AARS1: variants seen among roughly 807,000 people sequenced by gnomAD.
AARS1 encodes alanyl-tRNA synthetase 1.
AARS1 carries 72 observed loss-of-function variants against 108.9 expected under a neutral mutation model. The observed-to-expected ratio is 0.66, with a 90% CI of 0.55 to 0.80. The LOEUF (loss-of-function observed/expected upper bound fraction) is 0.80. Among genes scored for constraint, AARS1 ranks in the 30% least tolerant of loss-of-function variants. The probability of loss-of-function intolerance (pLI) is 0.00; values close to 1 mark genes in which losing one functional copy is unlikely to be tolerated. For synonymous variants in AARS1, 489 were observed against 465.7 expected (o/e 1.05, Z -0.64); for missense variants, 1,193 against 1,233.2 (o/e 0.97, Z 0.49).
chr16:70,255,688 C>T lies in AARS1; in HGVS notation c.2286+40G>A, dbSNP rs994580908. On this transcript the variant is annotated intron_variant, in intron 16 of 20. Coordinates refer to ENST00000261772, the MANE Select transcript of AARS1 (RefSeq NM_001605.3). ...GGATTCGCAGACTGGGCTCCTCTTG[C>T]CTTCTTCAGATAAGCCACAAACCAG... 8 of 1,574,660 alleles carry T rather than the reference C, an allele frequency of 5.1e-6. No homozygotes were observed. In the South Asian group the frequency reaches 5.5e-5, roughly 11 times the overall value.
At chr16:70,272,215 G>A (rs113366691) in intron 4 of AARS1, among the ~76,000 whole-genome samples, 11 of 152,056 alleles carry the variant, frequency 7.2e-5, no homozygotes, top group Admixed American at 2.0e-4. Context: ...CATTAAACCT[G>A]CTAAAGAAGC....
rs763386228 is a variant in AARS1, at chr16:70,254,053, C to T, written c.2401-15G>A. On this transcript the variant is annotated splice_polypyrimidine_tract_variant and intron_variant, in intron 17 of 20. Transcript: ENST00000261772. The stretch of plus-strand genomic sequence containing the variant: ...GTGGCCAGGGCCTGGAACCAATAGA[C>T]GACCATCTCAATCTGGGCCACAACT... The T allele has an allele frequency of 6.8e-6, 11 of 1,613,456 alleles. No individual in the cohort carries two copies. The highest frequency in any genetic ancestry group is 1.6e-4 in the Middle Eastern group (1 of 6,072).
At position 70,265,030 on chromosome 16, in the gene AARS1, G is replaced by A. The variant is rs377163632; in HGVS notation, c.1420C>T (p.Arg474Trp). 159 of 1,613,968 alleles carry A rather than the reference G, an allele frequency of 9.9e-5. No homozygotes were observed. The highest frequency in any genetic ancestry group is 1.2e-4 in the Non-Finnish European group (142 of 1,180,026). ...TCTGTGACCTCCAGACCCCGTGCCC[G>A]GAGCTCTTCGATAGCGTAAATGTCC... ...MLDIYAIEEL[R>W]ARGLEVTDDS... The change falls in exon 11 of 21, where the codon CGG (arginine) becomes TGG (tryptophan). Residue 474 changes from arginine (R) to tryptophan (W), a missense_variant. Physicochemically the swap from Arg to Trp is moderately radical, Grantham distance 101 (BLOSUM62 -3). Transcript: ENST00000261772.
At chr16:70,280,978 C>T (rs1960683850) in intron 2 of AARS1, among the ~76,000 whole-genome samples, 1 of 152,122 alleles carries the variant, frequency 6.6e-6, no homozygotes, top group African/African-American at 2.4e-5. Flanking sequence ...CAGGCATGCA[C>T]CACCACACCT....
In AARS1 at chr16:70,256,840, C is replaced by T. The variant is rs537474731; in HGVS notation, c.2178-1004G>A. ...ATTAAGAATGTTCTTTTCAGCCGGGCGTGGTGGCTCACACCTGTAATCTCA... is the reference window on the plus strand; with the variant it reads ...ATTAAGAATGTTCTTTTCAGCCGGGTGTGGTGGCTCACACCTGTAATCTCA... On this transcript the variant is annotated intron_variant, in intron 15 of 20. Coordinates refer to ENST00000261772, the MANE Select transcript of AARS1 (RefSeq NM_001605.3). Among the ~76,000 whole-genome samples, 16 of 151,894 alleles carry T rather than the reference C, an allele frequency of 1.1e-4. No individual in the cohort carries two copies. The East Asian group carries it at 2.4e-3, about 22-fold the overall frequency.
chr16:70,268,429 C>G, intron 7 of AARS1, 50 bp from the exon 8 acceptor site: 1 of 1,521,160 alleles, frequency 6.6e-7, no homozygotes. Flanking sequence ...AGGGTTTTGT[C>G]TTGAGTCCCT....
rs1195357458 is a variant in AARS1 at position 70,289,462 on chromosome 16, C to T, written c.-63G>A. The stretch of plus-strand genomic sequence containing the variant: ...GTCCCCAGCTCCTCCCTCAGAGTCC[C>T]CCGCCAAGGGCCCGCTGCACCTATT... On this transcript the variant is annotated 5_prime_UTR_variant, in exon 1 of 21. Transcript: ENST00000261772. 2.4e-6 allele frequency: 1 copy of T among 421,978 alleles called. No individual in the cohort carries two copies. The highest frequency in any genetic ancestry group is 4.8e-6 in the Non-Finnish European group (1 of 209,170). 26.1% of individuals were successfully genotyped at this position (421,978 alleles called of 1,614,324 possible).
intron 7 of AARS1, 24 bp downstream of exon 7, chr16:70,269,594 C>T: frequency 6.2e-7 from 1 of 1,613,232 alleles, no homozygotes; most frequent in South Asian, 1.1e-5. Flanking sequence ...GCTCCAAACA[C>T]CACCCAGTGT....
At chr16:70,272,073 A>C (rs1000568036) in intron 4 of AARS1, 101 bp from the exon 5 acceptor site, 2 of 1,107,784 alleles carry the variant, frequency 1.8e-6, no homozygotes, top group Non-Finnish European at 2.7e-6. Flanking sequence ...GGCCGGGCAC[A>C]GTGGCTCATG....
Position 70,261,314 on chromosome 16 carries a change from G to A in AARS1, c.1672-157C>T, listed in dbSNP as rs968149722. ...TAATATCATTAAATATGATTAAATA[G>A]GCCAGGTGCAGTGGCTCATGACTGT... On this transcript the variant is annotated intron_variant, in intron 12 of 20. Transcript: ENST00000261772. 8.9e-6 allele frequency: 5 copies of A among 562,032 alleles called. No individual in the cohort carries two copies. In the Admixed American group the frequency reaches 9.4e-5, roughly 11 times the overall value. 34.8% of individuals were successfully genotyped at this position (562,032 alleles called of 1,614,324 possible). A position where few individuals can be genotyped will look rare whatever the true frequency, so the allele number is the denominator to read the frequency against.
chr16:70,272,048 G>A (rs1417461295), intron 4 of AARS1, 76 bp from the exon 5 acceptor site: 2 of 1,414,570 alleles, frequency 1.4e-6, no homozygotes, highest in East Asian at 2.3e-5. Context: ...CACCGCAAAA[G>A]AAATTCTTAG....
chr16:70,255,576 AG>A, intron 16 of AARS1, 151 bp downstream of exon 16: 2 of 710,258 alleles, frequency 2.8e-6, no homozygotes, highest in Non-Finnish European at 5.1e-6. Context: ...TCTGCCACTC[AG>A]GGGTAGGACA....
At chr16:70,272,031 T>C in intron 4 of AARS1, 59 bp from the exon 5 acceptor site, 2 of 1,528,558 alleles carry the variant, frequency 1.3e-6, no homozygotes, top group South Asian at 1.1e-5. Context: ...CTGCCCAGAC[T>C]TGCAACCACC....
rs758019840 is a variant in AARS1, at chr16:70,282,771, G to C, written c.-8C>G. 4.3e-6 allele frequency: 7 copies of C among 1,613,706 alleles called. No homozygotes were observed. The highest frequency in any genetic ancestry group is 2.2e-5 in the South Asian group (2 of 91,078). ...TGTTAGAGTAGAGTCCATCTTGAAA[G>C]TCACCCCAAAGAACTAATCAAAGAA... On this transcript the variant is annotated 5_prime_UTR_variant, in exon 2 of 21. Transcript: ENST00000261772.
chr16:70,255,216 T>TTTTG (rs1959955374), intron 16 of AARS1, among the ~76,000 whole-genome samples: 2 of 145,402 alleles, frequency 1.4e-5, no homozygotes, highest in African/African-American at 5.1e-5. Context: ...TTTTTTTTTT[T>TTTTG]GGAGACGGAG....
At chr16:70,279,215 TG>T (rs374458655) in intron 2 of AARS1, among the ~76,000 whole-genome samples, 20 of 149,074 alleles carry the variant, frequency 1.3e-4, no homozygotes, top group Non-Finnish European at 2.2e-4. Context: ...ACAGGCATGG[TG>T]GGGGGGTGCC....
chr16:70,268,612 T>C (rs1960321988), intron 7 of AARS1, among the ~76,000 whole-genome samples: 1 of 152,182 alleles, frequency 6.6e-6, no homozygotes, highest in African/African-American at 2.4e-5. Context: ...TCACATTCAG[T>C]TACCCATAGA....
Position 70,253,806 on chromosome 16 carries a change from AG to A in AARS1, c.2521-7del. 6.2e-7 allele frequency: 1 copy of A among 1,614,192 alleles called. No individual in the cohort carries two copies. Among genetic ancestry groups the A allele is most frequent in the Non-Finnish European group, 8.5e-7 (1 of 1,180,024 alleles). On this transcript the variant is annotated splice_region_variant and splice_polypyrimidine_tract_variant and intron_variant, in intron 18 of 20. Coordinates refer to ENST00000261772, the MANE Select transcript of AARS1 (RefSeq NM_001605.3). ...TGCTTCGTCTTCTCTAACACCTGCAAGAAAAAAGTCCAGAACAGCAGCTCAG... is the reference window on the plus strand; with the variant it reads ...TGCTTCGTCTTCTCTAACACCTGCAAAAAAAAGTCCAGAACAGCAGCTCAG...
At chr16:70,289,225 C>A (rs1053830546) in intron 1 of AARS1, among the ~76,000 whole-genome samples, 196 bp downstream of exon 1, 1 of 152,058 alleles carries the variant, frequency 6.6e-6, no homozygotes, top group Admixed American at 6.5e-5. Flanking sequence ...CAAATCCACC[C>A]GAGGCCGCGA....
Sources: gnomAD v4.1 joint callset for allele counts (sites outside exome capture counted in the v4.1 genomes callset) on GRCh38, gnomAD v4.1.1 for gene constraint, MANE v1.5 for transcripts, NCBI Gene and HGNC (gene_info 2026-07-23, HGNC 2026-07-21) for gene names.